Variants in FAM199X observed in about 807,000 individuals in gnomAD.
The protein encoded by FAM199X is family with sequence similarity 199, X-linked.
In FAM199X, 4 loss-of-function variants were observed where a neutral mutation model predicts 22.9. The observed-to-expected ratio is 0.17, with a 90% CI of 0.09 to 0.40. The LOEUF is 0.40. Ranked by LOEUF, FAM199X falls within the 10% of genes least tolerant of loss-of-function variation. The probability of loss-of-function intolerance (pLI) is 1.00; values close to 1 mark genes in which losing one functional copy is unlikely to be tolerated. For synonymous variants in FAM199X, 101 were observed against 112.3 expected (o/e 0.90, Z 0.64); for missense variants, 183 against 306.8 (o/e 0.60, Z 3.01).
rs1921800207 is a variant in FAM199X at position 104,186,107 on chromosome X, T to C, written c.459T>C (p.Ser153=). The C allele has an allele frequency of 8.3e-7, 1 of 1,210,393 alleles. No homozygotes were observed. The highest frequency in any genetic ancestry group is 1.1e-6 in the Non-Finnish European group (1 of 894,538). Reference sequence around the variant, plus strand: ...TTGCCAGTGGGAGTGATGTACTTTCTGATGTCATACCCAGTATTCCAAGTT... The same window carrying C: ...TTGCCAGTGGGAGTGATGTACTTTCCGATGTCATACCCAGTATTCCAAGTT... ...SDIASGSDVL[S]DVIPSIPSSP... Residue 153 remains serine (S), a synonymous_variant, in exon 3 of 6, where the codon TCT becomes TCC. Transcript: ENST00000493442.
At chrX:104,185,986 G>A (rs1170189012) in intron 2 of FAM199X, 80 bp from the exon 3 acceptor site, 1 of 969,047 alleles carries the variant, frequency 1.0e-6, no homozygotes, top group Non-Finnish European at 1.4e-6. Context: ...TAATCGATGT[G>A]GAAAATATAT....
chrX:104,164,711 C>G (rs1436232535), upstream of FAM199X, among the ~76,000 whole-genome samples: 2 of 110,310 alleles, frequency 1.8e-5, no homozygotes, highest in Non-Finnish European at 3.8e-5. Flanking sequence ...CAAAACCCGT[C>G]TCTACTAAAA....
At chrX:104,186,031 C>T (rs1486818737) in intron 2 of FAM199X, 35 bp from the exon 3 acceptor site, 2 of 1,174,932 alleles carry the variant, frequency 1.7e-6, no homozygotes, top group African/African-American at 3.6e-5. Flanking sequence ...ACAAATTTTG[C>T]TTTCCTTCCC....
At chrX:104,180,802 G>T (rs1308577835) in intron 2 of FAM199X, among the ~76,000 whole-genome samples, 1 of 112,056 alleles carries the variant, frequency 8.9e-6, no homozygotes. Context: ...TAAAAAATTT[G>T]TATTCTGTTA....
In FAM199X at chrX:104,191,977, A is replaced by G. The variant is rs1556380501; in HGVS notation, c.*2199A>G. ...ATCATGAAATTTTGTGTAAATCCAG[A>G]TGAACTGTCATTATAGTACTATAAA... On this transcript the variant is annotated 3_prime_UTR_variant, in exon 6 of 6. Transcript: ENST00000493442. 1 of 111,981 alleles carries G rather than the reference A, an allele frequency of 8.9e-6. No homozygotes were observed. The highest frequency in any genetic ancestry group is 1.9e-5 in the Non-Finnish European group (1 of 53,089). 9.2% of individuals were successfully genotyped at this position (111,981 alleles called of 1,213,427 possible).
At chrX:104,188,336 C>T (rs781925790) in intron 5 of FAM199X, 30 bp downstream of exon 5, 41 of 1,195,465 alleles carry the variant, frequency 3.4e-5, no homozygotes, top group Non-Finnish European at 4.6e-5. Context: ...CAAAACTTTA[C>T]CTTTCAATAT....
chrX:104,181,512 A>G (rs1425707625), intron 2 of FAM199X, among the ~76,000 whole-genome samples: 1 of 112,038 alleles, frequency 8.9e-6, no homozygotes, highest in Non-Finnish European at 1.9e-5. Flanking sequence ...ACTTCCAATT[A>G]CAATGTTTCC....
rs1425904561 is a variant in FAM199X, at chrX:104,191,998, AT to A, written c.*2221del. On this transcript the variant is annotated 3_prime_UTR_variant, in exon 6 of 6. Coordinates refer to ENST00000493442, the MANE Select transcript of FAM199X (RefSeq NM_207318.4). ...CCAGATGAACTGTCATTATAGTACT[AT>A]AAATTAGAGATAGTCCATAAAGTTG... 4.5e-5 allele frequency: 5 copies of A among 111,991 alleles called. No individual in the cohort carries two copies. The highest frequency in any genetic ancestry group is 1.6e-4 in the African/African-American group (5 of 30,922). 9.2% of individuals were successfully genotyped at this position (111,991 alleles called of 1,213,427 possible).
rs1556381086 is a variant in FAM199X at position 104,194,194 on chromosome X, T to A, written c.*4416T>A. 1 of 111,681 alleles carries A rather than the reference T, an allele frequency of 9.0e-6. No homozygotes were observed. The allele number at this position is 111,681 out of a possible 1,213,427, so 9.2% of individuals were successfully genotyped here. On this transcript the variant is annotated 3_prime_UTR_variant, in exon 6 of 6. Transcript: ENST00000493442. Reference sequence around the variant, plus strand: ...ACACTCATACCGAACTCAGAAAAGCTTGTTTGATCTTCTCTAAATTCTGTA... The same window carrying A: ...ACACTCATACCGAACTCAGAAAAGCATGTTTGATCTTCTCTAAATTCTGTA...
intron 1 of FAM199X, among the ~76,000 whole-genome samples, chrX:104,171,465 A>G (rs1921351293): frequency 8.9e-6 from 1 of 111,922 alleles, no homozygotes; most frequent in Admixed American, 9.5e-5. Context: ...TAAATAGTTT[A>G]GTGCTGAGCA....
chrX:104,194,923 TTAA>T lies in FAM199X; in HGVS notation c.*5147_*5149del, dbSNP rs1922022129. On this transcript the variant is annotated 3_prime_UTR_variant, in exon 6 of 6. Transcript: ENST00000493442. ...TATTACTGCTAAATATATTACTATA[TTAA>T]TGCACTTTTGTATATATAACTGTCT... 9.0e-6 allele frequency: 1 copy of T among 110,525 alleles called. No individual in the cohort carries two copies. Among genetic ancestry groups the T allele is most frequent in the Non-Finnish European group, 1.9e-5 (1 of 52,793 alleles). The allele number at this position is 110,525 out of a possible 1,213,427, so 9.1% of individuals were successfully genotyped here. A position where few individuals can be genotyped will look rare whatever the true frequency, so the allele number is the denominator to read the frequency against.
intron 1 of FAM199X, among the ~76,000 whole-genome samples, chrX:104,174,994 A>C (rs1252990908): frequency 8.9e-6 from 1 of 111,884 alleles, no homozygotes; most frequent in Admixed American, 9.5e-5. Flanking sequence ...TCTGCCCTGC[A>C]ATGGCCCCAC....
chrX:104,176,837 T>A (rs782749295), intron 2 of FAM199X, among the ~76,000 whole-genome samples: 1 of 112,076 alleles, frequency 8.9e-6, no homozygotes, highest in African/African-American at 3.2e-5. Context: ...GCTATTTCGG[T>A]TGGTTTCAGT....
the FAM199X span, among the ~76,000 whole-genome samples, chrX:104,159,948 G>C: frequency 1.8e-5 from 2 of 112,288 alleles, no homozygotes; most frequent in African/African-American, 6.5e-5. Flanking sequence ...GATTAGGCTA[G>C]AGCTTGTTTC....
intron 1 of FAM199X, among the ~76,000 whole-genome samples, chrX:104,170,173 A>G (rs1569466613): frequency 8.9e-6 from 1 of 112,428 alleles, no homozygotes; most frequent in Non-Finnish European, 1.9e-5. Flanking sequence ...AAACTATTGC[A>G]TAAATCTTTT....
chrX:104,185,944 C>T (rs1432800606), intron 2 of FAM199X, 122 bp from the exon 3 acceptor site: 2 of 703,275 alleles, frequency 2.8e-6, no homozygotes, highest in Non-Finnish European at 4.2e-6. Context: ...CTTAGCACAG[C>T]CAGCAGCACG....
the FAM199X span, among the ~76,000 whole-genome samples, chrX:104,158,390 T>C: frequency 9.0e-6 from 1 of 111,550 alleles, no homozygotes; most frequent in East Asian, 2.8e-4. Context: ...CTTCCTATAG[T>C]ACTGAAGACC....
chrX:104,175,552 C>A, intron 1 of FAM199X, 71 bp from the exon 2 acceptor site: 3 of 868,876 alleles, frequency 3.5e-6, no homozygotes, highest in Middle Eastern at 2.8e-4. Context: ...TAAATATGTC[C>A]TGTTAATTAT....
chrX:104,185,299 C>T (rs1279835634), intron 2 of FAM199X, among the ~76,000 whole-genome samples: 1 of 110,744 alleles, frequency 9.0e-6, no homozygotes, highest in Non-Finnish European at 1.9e-5. Flanking sequence ...ATGTTTAGCA[C>T]AGTCTCTGGC....
Sources: gnomAD v4.1 joint callset for allele counts (sites outside exome capture counted in the v4.1 genomes callset) on GRCh38, gnomAD v4.1.1 for gene constraint, MANE v1.5 for transcripts, NCBI Gene and HGNC (gene_info 2026-07-23, HGNC 2026-07-21) for gene names.